The following BBX variants were observed in gnomAD, a reference collection of about 807,000 sequenced individuals.
The protein encoded by BBX is BBX high mobility group box domain containing.
BBX carries 30 observed loss-of-function variants against 100.2 expected under a neutral mutation model. The ratio of observed to expected loss-of-function variants is 0.30; its 90% CI spans 0.22 to 0.41. BBX has a LOEUF of 0.41. BBX is among the 10% of genes least tolerant of loss of function. BBX has a pLI of 1.00. For synonymous variants in BBX, 376 were observed against 388.1 expected, an observed-to-expected ratio of 0.97 and a Z score of 0.37; for missense variants, 1,023 against 1,129.8, an observed-to-expected ratio of 0.91 and a Z score of 1.35.
chr3:107,776,417 A>G (rs986156881), intron 12 of BBX: 5 of 152,110 alleles, frequency 3.3e-5, no homozygotes, highest in African/African-American at 1.2e-4. Flanking sequence ...TAACTGGGAG[A>G]TGCTTTTTTA....
intron 7 of BBX, among the ~76,000 whole-genome samples, chr3:107,743,291 A>G (rs2064268072): frequency 6.6e-6 from 1 of 152,172 alleles, no homozygotes; most frequent in Non-Finnish European, 1.5e-5. Flanking sequence ...TTATAAAGAT[A>G]TATTTTGTTC....
rs183477313 is a variant in BBX at position 107,718,701 on chromosome 3, A to G, written c.405+1852A>G. ...TAGGTGGCCACTTTTAAGAAAAGGAAGTATTAGTTTCATACAGGAAATCCC... is the reference window on the plus strand; with the variant it reads ...TAGGTGGCCACTTTTAAGAAAAGGAGGTATTAGTTTCATACAGGAAATCCC... On this transcript the variant is annotated intron_variant, in intron 5 of 17. Transcript: ENST00000325805. Among the ~76,000 whole-genome samples, 4 of 152,214 alleles carry G rather than the reference A, an allele frequency of 2.6e-5. No homozygotes were observed. The East Asian group carries it at 7.7e-4, about 29-fold the overall frequency.
chr3:107,553,898 GACT>G (rs1374698207), intron 2 of BBX, among the ~76,000 whole-genome samples: 1 of 151,872 alleles, frequency 6.6e-6, no homozygotes, highest in Non-Finnish European at 1.5e-5. Flanking sequence ...AACAATGGTG[GACT>G]ATGTTCTTTC....
At chr3:107,769,221 GAT>G (rs1205783034) in intron 10 of BBX, among the ~76,000 whole-genome samples, 1 of 135,756 alleles carries the variant, frequency 7.4e-6, no homozygotes, top group African/African-American at 2.8e-5. Flanking sequence ...TAGATAGATA[GAT>G]AGATAGACAG....
chr3:107,763,176 C>T (rs1162623534), intron 10 of BBX, among the ~76,000 whole-genome samples: 2 of 151,926 alleles, frequency 1.3e-5, no homozygotes, highest in Admixed American at 1.3e-4. Flanking sequence ...AGGGGATACA[C>T]AGCCTCCACC....
At chr3:107,744,898 A>C (rs139927413) in intron 8 of BBX, among the ~76,000 whole-genome samples, 188 bp downstream of exon 8, 1 of 152,216 alleles carries the variant, frequency 6.6e-6, no homozygotes, top group Non-Finnish European at 1.5e-5. Flanking sequence ...AACTACATTT[A>C]TGCGTTTATA....
intron 3 of BBX, among the ~76,000 whole-genome samples, chr3:107,690,176 A>T (rs2060070455): frequency 6.6e-6 from 1 of 152,204 alleles, no homozygotes; most frequent in African/African-American, 2.4e-5. Flanking sequence ...AATGTATTAG[A>T]TATGTCAGAA....
intron 3 of BBX, among the ~76,000 whole-genome samples, chr3:107,679,306 A>G (rs1322042375): frequency 6.6e-6 from 1 of 152,146 alleles, no homozygotes; most frequent in African/African-American, 2.4e-5. Flanking sequence ...GATGATACAT[A>G]ATTTTTAATT....
In BBX at chr3:107,806,702, A is replaced by G. The variant is rs1424616853; in HGVS notation, c.*1245A>G. On this transcript the variant is annotated 3_prime_UTR_variant, in exon 18 of 18. Transcript: ENST00000325805. Reference sequence around the variant, plus strand: ...CAGCGCCAAGTGGATTAACTGGCTTAGAACATTCAACATATTGACTTAACC... The same window carrying G: ...CAGCGCCAAGTGGATTAACTGGCTTGGAACATTCAACATATTGACTTAACC... 6.6e-6 allele frequency: 1 copy of G among 152,272 alleles called. No homozygotes were observed. The highest frequency in any genetic ancestry group is 1.5e-5 in the Non-Finnish European group (1 of 68,046). The allele number at this position is 152,272 out of a possible 1,614,324, so 9.4% of individuals were successfully genotyped here.
At chr3:107,610,815 T>G (rs944219642) in intron 2 of BBX, among the ~76,000 whole-genome samples, 5 of 150,682 alleles carry the variant, frequency 3.3e-5, no homozygotes, top group Non-Finnish European at 7.4e-5. Context: ...ATTTAATCAC[T>G]ATGTCTTTTG....
chr3:107,681,059 G>A (rs1328423266), intron 3 of BBX, among the ~76,000 whole-genome samples: 1 of 152,122 alleles, frequency 6.6e-6, no homozygotes, highest in Non-Finnish European at 1.5e-5. Flanking sequence ...CCTGAATGGT[G>A]GAAGCCCTGA....
At chr3:107,740,904 A>G (rs1348502875) in intron 7 of BBX, among the ~76,000 whole-genome samples, 1 of 150,350 alleles carries the variant, frequency 6.7e-6, no homozygotes, top group Non-Finnish European at 1.5e-5. Context: ...TCCCCTGCAT[A>G]TGAGTTGCAA....
chr3:107,771,362 G>A lies in BBX; in HGVS notation c.907-1266G>A, dbSNP rs1374485132. Among the ~76,000 whole-genome samples, 3 of 151,658 alleles carry A rather than the reference G, an allele frequency of 2.0e-5. No homozygotes were observed. In the East Asian group the frequency reaches 5.8e-4, roughly 29 times the overall value. ...TTCAAGGTATCTGGGAGCCAGAGAG[G>A]AAAATGGCAACTTTCCCCTTGAATG... On this transcript the variant is annotated intron_variant, in intron 10 of 17. Coordinates refer to ENST00000325805, the MANE Select transcript of BBX (RefSeq NM_001142568.3).
intron 2 of BBX, among the ~76,000 whole-genome samples, chr3:107,599,876 G>A (rs1027633063): frequency 1.5e-4 from 22 of 151,632 alleles, no homozygotes; most frequent in African/African-American, 5.3e-4. Flanking sequence ...ACAAGATGAT[G>A]ATTTTTAATA....
chr3:107,710,365 A>T, intron 3 of BBX, 87 bp from the exon 4 acceptor site: 1 of 1,088,206 alleles, frequency 9.2e-7, no homozygotes, highest in Non-Finnish European at 1.3e-6. Flanking sequence ...TAAATAAACT[A>T]ATTGTAATCA....
intron 2 of BBX, among the ~76,000 whole-genome samples, chr3:107,619,197 C>G (rs972082268): frequency 1.3e-5 from 2 of 152,144 alleles, no homozygotes; most frequent in Non-Finnish European, 2.9e-5. Context: ...TAATATAGCA[C>G]TCCTACTTTA....
At chr3:107,797,550 G>A (rs1431839713) in intron 15 of BBX, among the ~76,000 whole-genome samples, 1 of 151,678 alleles carries the variant, frequency 6.6e-6, no homozygotes, top group Non-Finnish European at 1.5e-5. Flanking sequence ...CGGCTTAAAA[G>A]CCCTTGGGTC....
chr3:107,683,057 A>G (rs991876956), intron 3 of BBX, among the ~76,000 whole-genome samples: 1 of 151,900 alleles, frequency 6.6e-6, no homozygotes, highest in Non-Finnish European at 1.5e-5. Flanking sequence ...TGCATATACC[A>G]CTCCATATCT....
intron 2 of BBX, among the ~76,000 whole-genome samples, chr3:107,596,099 G>T (rs1418169835): frequency 6.6e-6 from 1 of 152,128 alleles, no homozygotes; most frequent in Non-Finnish European, 1.5e-5. Flanking sequence ...TGTGTAAGTG[G>T]AATCACATAG....
Sources: gnomAD v4.1 joint callset for allele counts (sites outside exome capture counted in the v4.1 genomes callset) on GRCh38, gnomAD v4.1.1 for gene constraint, MANE v1.5 for transcripts, NCBI Gene and HGNC (gene_info 2026-07-23, HGNC 2026-07-21) for gene names.